The following TANC2 variants were observed in gnomAD, a reference collection of about 807,000 sequenced individuals.
TANC2 encodes the protein protein TANC2.
Under a neutral mutation model 210.5 loss-of-function variants are expected in TANC2, and 26 were observed. That is an observed-to-expected ratio of 0.12 (90% CI 0.09 to 0.17). The LOEUF (loss-of-function observed/expected upper bound fraction) is 0.17. Among genes scored for constraint, TANC2 ranks in the 10% least tolerant of loss-of-function variants. The pLI, the probability that TANC2 is intolerant of heterozygous loss-of-function variation, is 1.00. For synonymous variants in TANC2, 931 were observed against 967.1 expected, an observed-to-expected ratio of 0.96 and a Z score of 0.69; for missense variants, 2,129 against 2,608.9, an observed-to-expected ratio of 0.82 and a Z score of 4.01.
chr17:63,366,448 A>G (rs2047112300), intron 14 of TANC2, among the ~76,000 whole-genome samples: 3 of 152,162 alleles, frequency 2.0e-5, no homozygotes, highest in South Asian at 4.1e-4. Flanking sequence ...GAAGTGATCA[A>G]TTTTCCTATG....
chr17:62,996,252 G>A (rs940714080), intron 1 of TANC2, among the ~76,000 whole-genome samples: 2 of 152,136 alleles, frequency 1.3e-5, no homozygotes, highest in African/African-American at 4.8e-5. Flanking sequence ...GAAGGACTCC[G>A]TACTTCTATA....
chr17:63,188,645 T>A (rs1282265688), intron 5 of TANC2, among the ~76,000 whole-genome samples: 3 of 152,002 alleles, frequency 2.0e-5, no homozygotes, highest in Non-Finnish European at 2.9e-5. Context: ...GTTAATTGTA[T>A]TCTCCCAGTG....
intron 5 of TANC2, among the ~76,000 whole-genome samples, chr17:63,173,773 T>C (rs1220875132): frequency 6.6e-6 from 1 of 152,134 alleles, no homozygotes; most frequent in African/African-American, 2.4e-5. Flanking sequence ...TCTAAGAATA[T>C]GTATGACTTC....
intron 5 of TANC2, among the ~76,000 whole-genome samples, chr17:63,184,262 T>G (rs1431777493): frequency 6.6e-6 from 1 of 152,144 alleles, no homozygotes; most frequent in Admixed American, 6.6e-5. Context: ...TTAAATAGTA[T>G]TAAAATATAT....
At chr17:63,156,919 G>A (rs1043208440) in intron 5 of TANC2, among the ~76,000 whole-genome samples, 2 of 152,080 alleles carry the variant, frequency 1.3e-5, no homozygotes, top group Non-Finnish European at 2.9e-5. Context: ...TTGAACTCCT[G>A]GCCTCAAGTG....
At chr17:63,392,177 C>A (rs184853874) in intron 17 of TANC2, among the ~76,000 whole-genome samples, 1 of 152,288 alleles carries the variant, frequency 6.6e-6, no homozygotes, top group Non-Finnish European at 1.5e-5. Flanking sequence ...GGCGTCAAAC[C>A]CGACTGGGTT....
At chr17:63,308,450 A>G (rs917869175) in intron 9 of TANC2, among the ~76,000 whole-genome samples, 2 of 152,178 alleles carry the variant, frequency 1.3e-5, no homozygotes, top group Non-Finnish European at 1.5e-5. Flanking sequence ...AGCCAAGCCT[A>G]GTATTAGGTC....
At chr17:63,065,955 C>T (rs2036179398) in intron 2 of TANC2, among the ~76,000 whole-genome samples, 1 of 152,064 alleles carries the variant, frequency 6.6e-6, no homozygotes, top group African/African-American at 2.4e-5. Context: ...CAGTGGGTGA[C>T]AGATTGCACC....
intron 1 of TANC2, among the ~76,000 whole-genome samples, chr17:63,003,052 A>C (rs1568309099): frequency 6.6e-6 from 1 of 152,184 alleles, no homozygotes; most frequent in Non-Finnish European, 1.5e-5. Flanking sequence ...TTTTTCTCCA[A>C]AGCCATTGTA....
intron 2 of TANC2, among the ~76,000 whole-genome samples, chr17:63,013,480 G>A (rs2033965168): frequency 1.3e-5 from 2 of 151,662 alleles, no homozygotes; most frequent in Admixed American, 1.3e-4. Flanking sequence ...TTATATTCTG[G>A]CCAAGTGTGG....
At chr17:63,335,502 A>C (rs1683903289) in intron 11 of TANC2, among the ~76,000 whole-genome samples, 1 of 151,910 alleles carries the variant, frequency 6.6e-6, no homozygotes, top group African/African-American at 2.4e-5. Flanking sequence ...AATCCCAGCT[A>C]CTCAGGAGGT....
chr17:63,013,965 C>CT (rs1444241605), intron 2 of TANC2, among the ~76,000 whole-genome samples: 4 of 151,910 alleles, frequency 2.6e-5, no homozygotes, highest in African/African-American at 9.7e-5. Flanking sequence ...CATATCATCT[C>CT]TGACTCTTAA....
At chr17:63,385,610 A>G (rs1400119438) in intron 15 of TANC2, among the ~76,000 whole-genome samples, 1 of 152,210 alleles carries the variant, frequency 6.6e-6, no homozygotes, top group Non-Finnish European at 1.5e-5. Flanking sequence ...TACTTGCACA[A>G]ATTAAAAGAG....
At chr17:63,184,860 T>C (rs2040921699) in intron 5 of TANC2, among the ~76,000 whole-genome samples, 2 of 151,944 alleles carry the variant, frequency 1.3e-5, no homozygotes, top group Admixed American at 1.3e-4. Context: ...TTTCGCCATG[T>C]TGGTCAGATG....
At chr17:63,128,871 T>C (rs544367413) in intron 4 of TANC2, among the ~76,000 whole-genome samples, 7 of 152,310 alleles carry the variant, frequency 4.6e-5, no homozygotes, top group African/African-American at 1.7e-4. Flanking sequence ...AATTTGTGTT[T>C]AGTAACGTGT....
intron 14 of TANC2, among the ~76,000 whole-genome samples, chr17:63,375,901 A>G (rs2047408741): frequency 6.6e-6 from 1 of 152,056 alleles, no homozygotes; most frequent in Non-Finnish European, 1.5e-5. Flanking sequence ...CAGCCTGGCC[A>G]GCATGGTGAA....
rs1039362230 is a variant in TANC2, at chr17:63,361,494, C to T, written c.2582+6104C>T. Among the ~76,000 whole-genome samples, 7 of 152,216 alleles carry T rather than the reference C, an allele frequency of 4.6e-5. No homozygotes were observed. The East Asian group carries it at 5.8e-4, about 13-fold the overall frequency. On this transcript the variant is annotated intron_variant, in intron 14 of 27. Transcript: ENST00000689528. ...CAGGTGCCAGCTGCATGTGAGGCTGCGGTTGTACCAAACATATTGCACGCA... is the reference window on the plus strand; with the variant it reads ...CAGGTGCCAGCTGCATGTGAGGCTGTGGTTGTACCAAACATATTGCACGCA...
At chr17:63,223,969 G>A (rs2042262739) in intron 7 of TANC2, among the ~76,000 whole-genome samples, 1 of 152,074 alleles carries the variant, frequency 6.6e-6, no homozygotes. Context: ...GAGAATCAGA[G>A]GAATATTTTA....
At chr17:63,089,991 G>A (rs1033945223) in intron 3 of TANC2, among the ~76,000 whole-genome samples, 8 of 151,996 alleles carry the variant, frequency 5.3e-5, no homozygotes, top group African/African-American at 1.9e-4. Flanking sequence ...TACATACCAT[G>A]AATTTTTAAA....
Sources: allele counts gnomAD v4.1 joint callset (sites outside exome capture counted in the v4.1 genomes callset), GRCh38; gene constraint gnomAD v4.1.1; transcripts MANE v1.5; gene names NCBI Gene and HGNC (gene_info 2026-07-23, HGNC 2026-07-21).